SESN3: variants seen among roughly 807,000 people sequenced by gnomAD.
The protein encoded by SESN3 is sestrin-3.
A neutral mutation model predicts 55.3 loss-of-function variants in SESN3; 21 were observed. The ratio of observed to expected loss-of-function variants is 0.38; its 90% confidence interval spans 0.27 to 0.55. SESN3 has a LOEUF of 0.55. SESN3 is among the 20% of genes least tolerant of loss of function. The pLI, the probability that SESN3 is intolerant of heterozygous loss-of-function variation, is 0.76. For missense variants in SESN3, 408 were observed against 604.3 expected (o/e 0.68, Z 3.41); for synonymous variants, 181 against 203.1 (o/e 0.89, Z 0.93).
intron 1 of SESN3, among the ~76,000 whole-genome samples, chr11:95,223,633 T>C (rs1463977716): frequency 6.6e-6 from 1 of 152,230 alleles, no homozygotes; most frequent in Non-Finnish European, 1.5e-5. Context: ...AGACAGCATC[T>C]GCAAGTGATA....
chr11:95,188,081 A>G (rs539495908), intron 4 of SESN3, among the ~76,000 whole-genome samples: 69 of 151,728 alleles, frequency 4.5e-4, no homozygotes, highest in Admixed American at 2.0e-3. Context: ...TCCAGTCTGT[A>G]CAATCTGTAA....
chr11:95,224,512 A>G (rs1248351138), intron 1 of SESN3: 1 of 429,014 alleles, frequency 2.3e-6, no homozygotes, highest in African/African-American at 2.1e-5. Context: ...ACCCCAATTA[A>G]TAATGTCTTT....
chr11:95,193,063 T>C (rs1860297220), intron 2 of SESN3, among the ~76,000 whole-genome samples: 1 of 152,158 alleles, frequency 6.6e-6, no homozygotes, highest in South Asian at 2.1e-4. Flanking sequence ...CTGAGGAAAA[T>C]AGGCATAAGC....
At chr11:95,212,340 C>T (rs1860671722) in intron 1 of SESN3, among the ~76,000 whole-genome samples, 1 of 152,090 alleles carries the variant, frequency 6.6e-6, no homozygotes, top group Non-Finnish European at 1.5e-5. Context: ...ATCTTTCTCT[C>T]TAACCACAGA....
chr11:95,208,150 G>C (rs545744922), intron 1 of SESN3, among the ~76,000 whole-genome samples: 1 of 151,404 alleles, frequency 6.6e-6, no homozygotes, highest in Non-Finnish European at 1.5e-5. Flanking sequence ...TAAATGGTGA[G>C]AGTAGTCTTT....
chr11:95,181,751 TG>T (rs1377755861), intron 6 of SESN3, among the ~76,000 whole-genome samples: 4 of 152,120 alleles, frequency 2.6e-5, no homozygotes, highest in African/African-American at 9.7e-5. Context: ...ACATAGAATC[TG>T]GAATACTTTA....
chr11:95,192,082 A>G (rs867717026), intron 2 of SESN3, among the ~76,000 whole-genome samples: 15 of 152,054 alleles, frequency 9.9e-5, no homozygotes, highest in Admixed American at 6.6e-5. Context: ...AAACTTTCTG[A>G]AGTCTTTTCA....
chr11:95,227,802 T>C (rs533122135), intron 1 of SESN3, among the ~76,000 whole-genome samples: 1 of 152,314 alleles, frequency 6.6e-6, no homozygotes, highest in East Asian at 1.9e-4. Context: ...GTTTGACACA[T>C]GACTTTTCAA....
At chr11:95,210,493 A>G (rs1426564830) in intron 1 of SESN3, among the ~76,000 whole-genome samples, 1 of 152,250 alleles carries the variant, frequency 6.6e-6, no homozygotes, top group Non-Finnish European at 1.5e-5. Flanking sequence ...TAACAATGTA[A>G]CACCAGATAT....
intron 2 of SESN3, 23 bp from the exon 3 acceptor site, chr11:95,191,624 C>T (rs1455878160): frequency 6.3e-7 from 1 of 1,592,252 alleles, no homozygotes; most frequent in East Asian, 2.2e-5. Context: ...AAAAACAAAA[C>T]AAAATGACTA....
At position 95,230,182 on chromosome 11, in the gene SESN3, T is replaced by C. The variant is rs781479433; in HGVS notation, c.78+601A>G. 3 of 152,546 alleles carry C rather than the reference T, an allele frequency of 2.0e-5. No individual in the cohort carries two copies. Among genetic ancestry groups the C allele is most frequent in the South Asian group, 2.1e-4 (1 of 4,876 alleles). 9.4% of individuals were successfully genotyped at this position (152,546 alleles called of 1,614,324 possible). A position where few individuals can be genotyped will look rare whatever the true frequency, so the allele number is the denominator to read the frequency against. On this transcript the variant is annotated intron_variant, in intron 1 of 9. Coordinates refer to ENST00000536441, the MANE Select transcript of SESN3 (RefSeq NM_144665.4). The surrounding 1 kb of genome is among the most constrained non-coding windows in gnomAD (Gnocchi z 4.6). The stretch of plus-strand genomic sequence containing the variant: ...AGCCTCAGGAACTGGCCAGGTCGAA[T>C]TGCATTTCCCATGGGCATAAAGTTC...
chr11:95,198,900 G>A (rs914350913), intron 1 of SESN3, among the ~76,000 whole-genome samples: 2 of 146,556 alleles, frequency 1.4e-5, no homozygotes, highest in Admixed American at 7.0e-5. Flanking sequence ...TACAAAATCA[G>A]GAATAAACAT....
intron 1 of SESN3, among the ~76,000 whole-genome samples, chr11:95,222,177 G>A (rs1468685321): frequency 1.3e-5 from 2 of 151,940 alleles, no homozygotes; most frequent in Admixed American, 6.6e-5. Context: ...AAAAGCAATG[G>A]CCACTTTACA....
chr11:95,189,622 G>C lies in SESN3; in HGVS notation c.525+157C>G, dbSNP rs1038871476. ...GAAGATAATGATCACTTAAAGAGGAGAAGTATTCATTTGTGCTTAAATTAA... is the reference window on the plus strand; with the variant it reads ...GAAGATAATGATCACTTAAAGAGGACAAGTATTCATTTGTGCTTAAATTAA... On this transcript the variant is annotated intron_variant, in intron 4 of 9. Transcript: ENST00000536441. 9.1e-4 allele frequency among the ~76,000 whole-genome samples: 138 copies of C among 151,910 alleles called. 4 individuals are homozygous for C. The Admixed American group carries it at 9.1e-3, about 10-fold the overall frequency.
In SESN3 at chr11:95,169,298, GC is replaced by G. The variant is rs1300272543; in HGVS notation, c.*3956del. The G allele has an allele frequency of 1.3e-5, 2 of 152,232 alleles. No individual in the cohort carries two copies. Among genetic ancestry groups the G allele is most frequent in the Non-Finnish European group, 2.9e-5 (2 of 68,006 alleles). The allele number at this position is 152,232 out of a possible 1,614,324, so 9.4% of individuals were successfully genotyped here. ...TAGGGAAACACAGTTTACGTTGACG[GC>G]CACCTAGAATAGATTCTGATTACAT... On this transcript the variant is annotated 3_prime_UTR_variant, in exon 10 of 10. Coordinates refer to ENST00000536441, the MANE Select transcript of SESN3 (RefSeq NM_144665.4).
chr11:95,182,075 T>G (rs763867545), intron 6 of SESN3: 18 of 275,950 alleles, frequency 6.5e-5, no homozygotes, highest in Admixed American at 5.2e-4. Context: ...GGTCCAAGAC[T>G]TTCTAGTCAA....
In SESN3 at chr11:95,170,093, T is replaced by C. The variant is rs1303311345; in HGVS notation, c.*3162A>G. ...ACTGGGACTGAGACAATGTACTTAG[T>C]TCAAAAAGGGGAAGGAGGTAATAAG... On this transcript the variant is annotated 3_prime_UTR_variant, in exon 10 of 10. Transcript: ENST00000536441. The C allele has an allele frequency of 6.6e-6, 1 of 152,140 alleles. No individual in the cohort carries two copies. The highest frequency in any genetic ancestry group is 2.4e-5 in the African/African-American group (1 of 41,440). 9.4% of individuals were successfully genotyped at this position (152,140 alleles called of 1,614,324 possible). A position where few individuals can be genotyped will look rare whatever the true frequency, so the allele number is the denominator to read the frequency against.
At chr11:95,189,420 T>TC (rs1285033634) in intron 4 of SESN3, among the ~76,000 whole-genome samples, 1 of 151,894 alleles carries the variant, frequency 6.6e-6, no homozygotes, top group Non-Finnish European at 1.5e-5. Flanking sequence ...GCTCCCTCAT[T>TC]CCGTAGAAGG....
chr11:95,213,941 G>A (rs1461892648), intron 1 of SESN3, among the ~76,000 whole-genome samples: 2 of 151,852 alleles, frequency 1.3e-5, no homozygotes, highest in Non-Finnish European at 2.9e-5. Context: ...AAAGAAAAAA[G>A]AAAAAAAGAT....
Sources: gnomAD v4.1 joint callset for allele counts (sites outside exome capture counted in the v4.1 genomes callset) on GRCh38, gnomAD v4.1.1 for gene constraint, Gnocchi (gnomAD v3.1) non-coding constraint, MANE v1.5 for transcripts, NCBI Gene and HGNC (gene_info 2026-07-23, HGNC 2026-07-21) for gene names.